The following TSHZ2 variants were observed in gnomAD, a reference collection of about 807,000 sequenced individuals.
TSHZ2 encodes the protein teashirt homolog 2.
In TSHZ2, 21 loss-of-function variants were observed where a neutral mutation model predicts 74.4. The observed-to-expected ratio is 0.28, with a 90% CI of 0.20 to 0.41. The LOEUF is 0.41. Among genes scored for constraint, TSHZ2 ranks in the 10% least tolerant of loss-of-function variants. TSHZ2 has a pLI of 1.00. For missense variants in TSHZ2, 1,244 were observed against 1,293.5 expected, an observed-to-expected ratio of 0.96 and a Z score of 0.59; for synonymous variants, 540 against 515.3, an observed-to-expected ratio of 1.05 and a Z score of -0.65.
intron 2 of TSHZ2, among the ~76,000 whole-genome samples, chr20:53,364,403 C>T (rs914574132): frequency 6.6e-6 from 1 of 152,094 alleles, no homozygotes; most frequent in Non-Finnish European, 1.5e-5. Flanking sequence ...GGGAGTCGCG[C>T]TGGTGCCCTC....
chr20:53,473,590 C>G (rs200284836), intron 2 of TSHZ2, among the ~76,000 whole-genome samples: 1 of 139,976 alleles, frequency 7.1e-6, no homozygotes, highest in Non-Finnish European at 1.5e-5. Flanking sequence ...AACTCTAAAA[C>G]GCAGAGCGCC....
In TSHZ2 at chr20:53,489,061, C is replaced by T. The variant is rs1031316543; in HGVS notation, c.*1926C>T. On this transcript the variant is annotated 3_prime_UTR_variant, in exon 3 of 3. Transcript: ENST00000371497. ...CACATCATCGGATTGAGATGGCAGT[C>T]GAAATAGCTTCATTGAAGTGTCAGC... is the stretch of plus-strand genomic sequence containing the variant. 8.8e-6 allele frequency: 4 copies of T among 455,932 alleles called. No homozygotes were observed. Among genetic ancestry groups the T allele is most frequent in the African/African-American group, 6.0e-5 (3 of 49,968 alleles). 28.2% of individuals were successfully genotyped at this position (455,932 alleles called of 1,614,324 possible).
At chr20:53,335,468 T>G (rs1174618649) in intron 2 of TSHZ2, among the ~76,000 whole-genome samples, 2 of 152,238 alleles carry the variant, frequency 1.3e-5, no homozygotes, top group Admixed American at 6.5e-5. Context: ...CTCTGGACCC[T>G]GTAGGCATTT....
rs117316670 is a variant in TSHZ2 at position 53,450,580 on chromosome 20, G to A, written c.*9-36564G>A. ...CACCCAAGCTCCAGGATGGAGTGCA[G>A]TGGAACAAACATGGCTCACTTCAGA... On this transcript the variant is annotated intron_variant, in intron 2 of 2. Coordinates refer to ENST00000371497, the MANE Select transcript of TSHZ2 (RefSeq NM_173485.6). Among the ~76,000 whole-genome samples the A allele has an allele frequency of 6.8e-4, 104 of 152,324 alleles. 1 individual carries two copies. The highest frequency in any genetic ancestry group is 5.8e-3 in the East Asian group (30 of 5,188).
chr20:53,043,822 A>G (rs1024273425), intron 1 of TSHZ2, among the ~76,000 whole-genome samples: 3 of 152,162 alleles, frequency 2.0e-5, no homozygotes, highest in African/African-American at 7.2e-5. Flanking sequence ...CATTGTTTTC[A>G]TGGACAGCCA....
intron 1 of TSHZ2, among the ~76,000 whole-genome samples, chr20:53,228,353 C>T (rs1600754284): frequency 6.6e-6 from 1 of 152,304 alleles, no homozygotes; most frequent in East Asian, 1.9e-4. Flanking sequence ...AGGACTAGAG[C>T]TCACAGTTAT....
chr20:53,378,907 G>A (rs994133671), intron 2 of TSHZ2, among the ~76,000 whole-genome samples: 1 of 152,134 alleles, frequency 6.6e-6, no homozygotes, highest in Admixed American at 6.5e-5. Context: ...AAATTTGTGA[G>A]AACAGTAAAC....
At chr20:53,343,886 C>G (rs1207200879) in intron 2 of TSHZ2, among the ~76,000 whole-genome samples, 1 of 152,194 alleles carries the variant, frequency 6.6e-6, no homozygotes, top group African/African-American at 2.4e-5. Context: ...CATGAATAGC[C>G]TATCCCCGGC....
intron 1 of TSHZ2, 119 bp downstream of exon 1, chr20:52,973,452 G>T: frequency 7.5e-7 from 1 of 1,332,176 alleles, no homozygotes; most frequent in Non-Finnish European, 1.0e-6. Context: ...TTTGCGCCGG[G>T]TGCCCTTCTA....
intron 1 of TSHZ2, among the ~76,000 whole-genome samples, chr20:53,232,043 C>G (rs1043625974): frequency 6.6e-6 from 1 of 150,828 alleles, no homozygotes; most frequent in Non-Finnish European, 1.5e-5. Flanking sequence ...TGCTACCACA[C>G]CTGGCTAATT....
intron 1 of TSHZ2, among the ~76,000 whole-genome samples, chr20:53,227,280 C>A (rs866982653): frequency 1.3e-5 from 2 of 151,710 alleles, no homozygotes; most frequent in Non-Finnish European, 2.9e-5. Flanking sequence ...TCCCGTGCAG[C>A]CTCTGTCTAT....
intron 1 of TSHZ2, among the ~76,000 whole-genome samples, chr20:53,140,539 CAAAAAAAAAAAA>C (rs34045440): frequency 7.5e-5 from 6 of 79,786 alleles, no homozygotes; most frequent in Admixed American, 4.4e-4. Flanking sequence ...GACTCCGTCT[CAAAAAAAAAAAA>C]AAAAAAAAAA....
intron 1 of TSHZ2, among the ~76,000 whole-genome samples, chr20:53,070,352 A>G (rs1433354214): frequency 2.0e-5 from 3 of 152,198 alleles, no homozygotes; most frequent in Non-Finnish European, 4.4e-5. Context: ...ACCCTGTCTA[A>G]TAGCCTATCT....
chr20:53,493,223 T>C lies in TSHZ2; in HGVS notation c.*6088T>C, dbSNP rs1986493481. 1 of 152,234 alleles carries C rather than the reference T, an allele frequency of 6.6e-6. No individual in the cohort carries two copies. The highest frequency in any genetic ancestry group is 1.5e-5 in the Non-Finnish European group (1 of 68,040). 9.4% of individuals were successfully genotyped at this position (152,234 alleles called of 1,614,324 possible). A position where few individuals can be genotyped will look rare whatever the true frequency, so the allele number is the denominator to read the frequency against. ...GGGATTCTTTTGTATAGAAAAAATA[T>C]GCTTGTAATTTTTTCCTGGTCATTC... On this transcript the variant is annotated 3_prime_UTR_variant, in exon 3 of 3. Coordinates refer to ENST00000371497, the MANE Select transcript of TSHZ2 (RefSeq NM_173485.6).
chr20:53,281,413 T>G (rs1305850433), intron 2 of TSHZ2, among the ~76,000 whole-genome samples: 1 of 152,214 alleles, frequency 6.6e-6, no homozygotes, highest in East Asian at 1.9e-4. Flanking sequence ...AAAGGCCAGA[T>G]AGTAAATGTC....
chr20:53,271,920 GACAGAT>G (rs1334712265), intron 2 of TSHZ2, among the ~76,000 whole-genome samples: 1 of 152,184 alleles, frequency 6.6e-6, no homozygotes, highest in Non-Finnish European at 1.5e-5. Context: ...TGATCATAGA[GACAGAT>G]ATTCAATTGA....
At chr20:53,077,124 C>T (rs967581501) in intron 1 of TSHZ2, among the ~76,000 whole-genome samples, 3 of 152,038 alleles carry the variant, frequency 2.0e-5, no homozygotes, top group Non-Finnish European at 4.4e-5. Flanking sequence ...AAAGATAATG[C>T]TCTGGAGGCC....
At chr20:53,297,106 A>G (rs1991393731) in intron 2 of TSHZ2, among the ~76,000 whole-genome samples, 1 of 152,218 alleles carries the variant, frequency 6.6e-6, no homozygotes. Flanking sequence ...CCAAGTTATT[A>G]TAGTCTTGTA....
intron 2 of TSHZ2, among the ~76,000 whole-genome samples, chr20:53,320,559 AC>A (rs747682861): frequency 1.7e-4 from 26 of 152,160 alleles, no homozygotes; most frequent in Non-Finnish European, 3.7e-4. Context: ...TAACAAGAAA[AC>A]TGTAGCATCA....
Sources: allele counts gnomAD v4.1 joint callset (sites outside exome capture counted in the v4.1 genomes callset), GRCh38; gene constraint gnomAD v4.1.1; transcripts MANE v1.5; gene names NCBI Gene and HGNC (gene_info 2026-07-23, HGNC 2026-07-21).